The following KIAA1217 variants were observed in gnomAD, a reference collection of about 807,000 sequenced individuals.
KIAA1217 encodes the protein KIAA1217.
KIAA1217 carries 88 observed loss-of-function variants against 163.9 expected under a neutral mutation model. That is an observed-to-expected ratio of 0.54 (90% CI 0.45 to 0.64). The LOEUF (loss-of-function observed/expected upper bound fraction) is 0.64. Among genes scored for constraint, KIAA1217 ranks in the 30% least tolerant of loss-of-function variants. The probability of loss-of-function intolerance (pLI) is 0.00; values close to 1 mark genes in which losing one functional copy is unlikely to be tolerated. For synonymous variants in KIAA1217, 903 were observed against 923.1 expected, an observed-to-expected ratio of 0.98 and a Z score of 0.39; for missense variants, 2,372 against 2,475.0, an observed-to-expected ratio of 0.96 and a Z score of 0.88.
intron 2 of KIAA1217, among the ~76,000 whole-genome samples, chr10:24,118,508 G>A (rs1016211081): frequency 6.6e-6 from 1 of 152,134 alleles, no homozygotes; most frequent in African/African-American, 2.4e-5. Flanking sequence ...TACTACAAGG[G>A]ACTTCAGAGA....
intron 3 of KIAA1217, among the ~76,000 whole-genome samples, chr10:24,431,712 A>C (rs1378780751): frequency 6.6e-6 from 1 of 152,142 alleles, no homozygotes; most frequent in African/African-American, 2.4e-5. Context: ...CTTTTGCATC[A>C]CACTTGCTAA....
intron 2 of KIAA1217, among the ~76,000 whole-genome samples, chr10:24,289,467 TA>T (rs1302247767): frequency 6.6e-6 from 1 of 151,996 alleles, no homozygotes; most frequent in Non-Finnish European, 1.5e-5. Context: ...GGGATGGAAA[TA>T]TTTTTTCCAC....
At chr10:24,003,810 T>C (rs554736072) in intron 1 of KIAA1217, among the ~76,000 whole-genome samples, 2 of 152,322 alleles carry the variant, frequency 1.3e-5, no homozygotes, top group South Asian at 2.1e-4. Context: ...TCATTCAGAC[T>C]CAGTGGGTTT....
intron 1 of KIAA1217, among the ~76,000 whole-genome samples, chr10:23,757,752 A>G (rs1485604977): frequency 6.6e-6 from 1 of 152,122 alleles, no homozygotes; most frequent in Non-Finnish European, 1.5e-5. Flanking sequence ...TCCTGACCTC[A>G]GGTAATGCAC....
intron 10 of KIAA1217, among the ~76,000 whole-genome samples, chr10:24,518,674 C>T (rs1328492141): frequency 6.6e-6 from 1 of 152,168 alleles, no homozygotes; most frequent in Non-Finnish European, 1.5e-5. Flanking sequence ...TAGAAAAGAA[C>T]TTTTCCACAC....
At chr10:24,065,240 G>A (rs998357493) in intron 2 of KIAA1217, among the ~76,000 whole-genome samples, 8 of 152,084 alleles carry the variant, frequency 5.3e-5, no homozygotes, top group Non-Finnish European at 8.8e-5. Context: ...ACGTTAGGGT[G>A]TCAATTTTAG....
chr10:24,374,153 AG>A (rs1226807929), intron 2 of KIAA1217, among the ~76,000 whole-genome samples: 2 of 152,254 alleles, frequency 1.3e-5, no homozygotes, highest in Non-Finnish European at 2.9e-5. Flanking sequence ...TAAATCCTAG[AG>A]AAAATGCTTC....
At chr10:24,246,271 C>T (rs1223412207) in intron 2 of KIAA1217, among the ~76,000 whole-genome samples, 1 of 152,140 alleles carries the variant, frequency 6.6e-6, no homozygotes, top group African/African-American at 2.4e-5. Flanking sequence ...TATAAAGTGG[C>T]CCCATCATAG....
At chr10:24,187,078 G>C (rs553782179) in intron 2 of KIAA1217, among the ~76,000 whole-genome samples, 2 of 152,116 alleles carry the variant, frequency 1.3e-5, no homozygotes, top group East Asian at 3.9e-4. Flanking sequence ...ATCTGCCTTT[G>C]AGACTCTCCG....
At chr10:23,817,581 T>G (rs565652831) in intron 1 of KIAA1217, among the ~76,000 whole-genome samples, 1 of 152,194 alleles carries the variant, frequency 6.6e-6, no homozygotes, top group Non-Finnish European at 1.5e-5. Context: ...AAGATCACAG[T>G]TTTTATAACT....
chr10:24,365,085 G>T (rs1454429864), intron 2 of KIAA1217, among the ~76,000 whole-genome samples: 1 of 152,138 alleles, frequency 6.6e-6, no homozygotes, highest in Non-Finnish European at 1.5e-5. Context: ...GGTTACAGGA[G>T]TGAGCCACCT....
At chr10:23,730,092 G>A (rs1037962225) in intron 1 of KIAA1217, among the ~76,000 whole-genome samples, 3 of 151,950 alleles carry the variant, frequency 2.0e-5, no homozygotes, top group East Asian at 3.9e-4. Context: ...TAGTAGAGAC[G>A]GGGTTTCACT....
At chr10:23,818,351 A>AAAAATATATAT (rs374977941) in intron 1 of KIAA1217, among the ~76,000 whole-genome samples, 140 of 134,888 alleles carry the variant, frequency 1.0e-3, no homozygotes, top group African/African-American at 3.7e-3. Context: ...TATATAAAAA[A>AAAAATATATAT]ATATATATAT....
At chr10:23,702,900 G>C (rs1291749799) in intron 1 of KIAA1217, among the ~76,000 whole-genome samples, 1 of 152,062 alleles carries the variant, frequency 6.6e-6, no homozygotes, top group African/African-American at 2.4e-5. Flanking sequence ...GTAATTTTTT[G>C]TATTTTTAGT....
chr10:24,151,205 G>A (rs370786741), intron 2 of KIAA1217, among the ~76,000 whole-genome samples: 2 of 152,008 alleles, frequency 1.3e-5, no homozygotes, highest in African/African-American at 4.8e-5. Flanking sequence ...GTAGAGGGTG[G>A]GGGAAGAACA....
In KIAA1217 at chr10:23,782,078, T is replaced by A. The variant is rs184234201; in HGVS notation, c.-321+86844T>A. On this transcript the variant is annotated intron_variant, in intron 1 of 18. Coordinates refer to the KIAA1217 transcript ENST00000376462. ...AGTTCTATATGAATTAAAAAAAAAA[T>A]TTTTTTTTCTATTTTCATGAAGAAT... Among the ~76,000 whole-genome samples, 106 of 151,372 alleles carry A rather than the reference T, an allele frequency of 7.0e-4. 1 individual carries two copies. In the South Asian group the frequency reaches 7.3e-3, roughly 10 times the overall value.
chr10:24,539,058 T>C (rs2074586002), intron 17 of KIAA1217, among the ~76,000 whole-genome samples: 2 of 151,572 alleles, frequency 1.3e-5, no homozygotes, highest in South Asian at 4.2e-4. Flanking sequence ...TTTCAGTATG[T>C]GGAATTTCCT....
intron 2 of KIAA1217, among the ~76,000 whole-genome samples, chr10:24,064,996 G>A (rs1439403222): frequency 5.3e-5 from 8 of 152,048 alleles, no homozygotes; most frequent in Admixed American, 1.3e-4. Context: ...TATCACCTTT[G>A]TCATTTTTTA....
At chr10:24,024,140 A>C (rs1485615767) in intron 2 of KIAA1217, among the ~76,000 whole-genome samples, 2 of 151,680 alleles carry the variant, frequency 1.3e-5, no homozygotes, top group Admixed American at 6.6e-5. Context: ...AGCTTTATTG[A>C]GCTATAATTT....
Sources: gnomAD v4.1 joint callset for allele counts (sites outside exome capture counted in the v4.1 genomes callset) on GRCh38, gnomAD v4.1.1 for gene constraint, MANE v1.5 for transcripts, NCBI Gene and HGNC (gene_info 2026-07-23, HGNC 2026-07-21) for gene names.